CACNA1C: variants seen among roughly 807,000 people sequenced by gnomAD.
The protein encoded by CACNA1C is voltage-dependent L-type calcium channel subunit alpha-1C.
In CACNA1C, 30 loss-of-function variants were observed where a neutral mutation model predicts 229.0. The ratio of observed to expected loss-of-function variants is 0.13; its 90% CI spans 0.10 to 0.18. The LOEUF (loss-of-function observed/expected upper bound fraction) is 0.18. CACNA1C is among the 10% of genes least tolerant of loss of function. The probability of loss-of-function intolerance (pLI) is 1.00; values close to 1 mark genes in which losing one functional copy is unlikely to be tolerated. For missense variants in CACNA1C, 1,658 were observed against 2,845.0 expected (o/e 0.58, Z 9.49); for synonymous variants, 1,114 against 1,132.5 (o/e 0.98, Z 0.33).
At chr12:2,255,190 G>C (rs966900284) in intron 3 of CACNA1C, among the ~76,000 whole-genome samples, 3 of 151,034 alleles carry the variant, frequency 2.0e-5, no homozygotes, top group Admixed American at 1.3e-4. Flanking sequence ...ATACAGACCC[G>C]TGCTCCCTCC....
intron 3 of CACNA1C, among the ~76,000 whole-genome samples, chr12:2,254,986 G>C (rs1038638490): frequency 1.3e-5 from 2 of 152,172 alleles, no homozygotes; most frequent in Non-Finnish European, 2.9e-5. Flanking sequence ...ACATACCCCT[G>C]TGTAAAATTG....
At chr12:2,360,387 G>C (rs560830441) in intron 3 of CACNA1C, among the ~76,000 whole-genome samples, 3 of 152,240 alleles carry the variant, frequency 2.0e-5, no homozygotes, top group African/African-American at 4.8e-5. Flanking sequence ...CAGCATCCCT[G>C]CTGGGTCACT....
intron 3 of CACNA1C, among the ~76,000 whole-genome samples, chr12:2,371,709 C>T (rs370716108): frequency 3.6e-5 from 5 of 139,510 alleles, no homozygotes; most frequent in African/African-American, 1.3e-4. Flanking sequence ...CAAGCACATA[C>T]TAAATGACAT....
chr12:2,173,171 A>T (rs2096547700), intron 3 of CACNA1C, among the ~76,000 whole-genome samples: 1 of 152,124 alleles, frequency 6.6e-6, no homozygotes, highest in African/African-American at 2.4e-5. Flanking sequence ...TAGTGGGATG[A>T]TGGAGGGGAC....
chr12:2,655,301 C>CCA, intron 34 of CACNA1C, 63 bp downstream of exon 34: 1 of 1,012,614 alleles, frequency 9.9e-7, no homozygotes, highest in Non-Finnish European at 1.5e-6. Context: ...ACACTGTGGC[C>CCA]TGGTGGTAGA....
intron 3 of CACNA1C, among the ~76,000 whole-genome samples, chr12:2,328,398 T>G (rs2096415032): frequency 1.6e-5 from 2 of 121,814 alleles, no homozygotes; most frequent in South Asian, 4.3e-4. Context: ...TGCCCCCTTC[T>G]TTTATTTTAA....
intron 6 of CACNA1C, among the ~76,000 whole-genome samples, chr12:2,490,131 T>A (rs1263872706): frequency 6.6e-6 from 1 of 152,266 alleles, no homozygotes; most frequent in African/African-American, 2.4e-5. Context: ...ATTGTTCAAA[T>A]CGGATTTTAA....
At chr12:2,557,107 T>G (rs746475794) in intron 11 of CACNA1C, 130 bp downstream of exon 11, 7 of 692,934 alleles carry the variant, frequency 1.0e-5, no homozygotes, top group Middle Eastern at 2.7e-4. Context: ...AGGGGGTAAC[T>G]ACTTTCTGTA....
chr12:2,451,158 G>T (rs957228740), intron 4 of CACNA1C, among the ~76,000 whole-genome samples: 3 of 152,204 alleles, frequency 2.0e-5, no homozygotes, highest in Non-Finnish European at 4.4e-5. Context: ...AGCACTCGGG[G>T]TGTGCATGCA....
intron 1 of CACNA1C, among the ~76,000 whole-genome samples, chr12:2,025,133 G>A (rs7961733): frequency 1.1e-3 from 166 of 152,270 alleles, no homozygotes; most frequent in African/African-American, 3.8e-3. Flanking sequence ...CTTACCCTGC[G>A]TTCTCTGTCT....
At chr12:2,572,906 T>TCTCCTCCTCCTCTTCCTCCTC (rs1568506327) in intron 13 of CACNA1C, among the ~76,000 whole-genome samples, 1 of 78,186 alleles carries the variant, frequency 1.3e-5, no homozygotes, top group African/African-American at 5.1e-5. Flanking sequence ...TCTTCCTCCT[T>TCTCCTCCTCCTCTTCCTCCTC]CTCCTCCTCC....
intron 3 of CACNA1C, among the ~76,000 whole-genome samples, chr12:2,419,572 AC>A (rs1366993045): frequency 6.6e-6 from 1 of 152,160 alleles, no homozygotes; most frequent in Non-Finnish European, 1.5e-5. Flanking sequence ...ATCATGTGTC[AC>A]ATCAAATTAG....
Position 2,686,418 on chromosome 12 carries a change from G to A in CACNA1C, c.5784+149G>A, listed in dbSNP as rs113077320. On this transcript the variant is annotated intron_variant, in intron 45 of 46. Coordinates refer to ENST00000399655, the MANE Select transcript of CACNA1C (RefSeq NM_000719.7). ...CCCTGCCCTAAGAGCCATCCCTGTA[G>A]GGCTTCACACTCCTGTGCAGGTGAG... 6.1e-3 allele frequency: 4,505 copies of A among 744,096 alleles called. 158 individuals are homozygous for A. In the African/African-American group the frequency reaches 0.068, roughly 11 times the overall value. The allele number at this position is 744,096 out of a possible 1,614,324, so 46.1% of individuals were successfully genotyped here. A position where few individuals can be genotyped will look rare whatever the true frequency, so the allele number is the denominator to read the frequency against.
rs114032305 is a variant in CACNA1C, at chr12:2,418,760, T to C, written c.478-30216T>C. On this transcript the variant is annotated intron_variant, in intron 3 of 46. Transcript: ENST00000399655. ...CCCTGGACAACTGGCCAGTGGAGCC[T>C]CTAGGGAGGTGGGGTCCTACAACCT... Among the ~76,000 whole-genome samples the C allele has an allele frequency of 8.5e-3, 1,292 of 152,194 alleles. 20 individuals are homozygous for C. The highest frequency in any genetic ancestry group is 0.03 in the African/African-American group (1,247 of 41,528).
At chr12:2,564,526 G>A (rs1429122980) in intron 11 of CACNA1C, among the ~76,000 whole-genome samples, 3 of 152,076 alleles carry the variant, frequency 2.0e-5, no homozygotes, top group South Asian at 2.1e-4. Context: ...GTGGGTCTGC[G>A]TACAAGCCCT....
chr12:2,483,095 A>G (rs2099682710), intron 5 of CACNA1C, among the ~76,000 whole-genome samples: 1 of 152,164 alleles, frequency 6.6e-6, no homozygotes, highest in South Asian at 2.1e-4. Flanking sequence ...CAAAGATAAG[A>G]AGATGTGATG....
Position 2,275,738 on chromosome 12 carries a change from G to A in CACNA1C, c.477+155308G>A, listed in dbSNP as rs554671976. Reference sequence around the variant, plus strand: ...GAGCAGGAAACCATCGTTAGGGCACGGAAGCATAGGTGGGAGAAGACAGCC... The same window carrying A: ...GAGCAGGAAACCATCGTTAGGGCACAGAAGCATAGGTGGGAGAAGACAGCC... On this transcript the variant is annotated intron_variant, in intron 3 of 46. Transcript: ENST00000399655. The surrounding 1 kb of genome is among the most constrained non-coding windows in gnomAD (Gnocchi z 4.1). 3.3e-5 allele frequency among the ~76,000 whole-genome samples: 5 copies of A among 152,328 alleles called. No homozygotes were observed. The highest frequency in any genetic ancestry group is 2.0e-4 in the Admixed American group (3 of 15,302).
chr12:2,520,965 G>A (rs748473546), intron 9 of CACNA1C, among the ~76,000 whole-genome samples: 9 of 152,224 alleles, frequency 5.9e-5, no homozygotes, highest in African/African-American at 2.2e-4. Context: ...CAGCATAAAG[G>A]TGCCTGGCAG....
chr12:2,129,852 C>T (rs892586861), intron 3 of CACNA1C, among the ~76,000 whole-genome samples: 3 of 152,150 alleles, frequency 2.0e-5, no homozygotes, highest in African/African-American at 7.2e-5. Context: ...TTGCTCCCCC[C>T]TCTCTCCTGC....
Sources: allele counts gnomAD v4.1 joint callset (sites outside exome capture counted in the v4.1 genomes callset), GRCh38; gene constraint gnomAD v4.1.1; non-coding constraint Gnocchi (gnomAD v3.1); transcripts MANE v1.5; gene names NCBI Gene and HGNC (gene_info 2026-07-23, HGNC 2026-07-21).